SETD5: variants seen among roughly 807,000 people sequenced by gnomAD.
SETD5 encodes the protein SET domain containing 5, also known as histone-lysine N-methyltransferase SETD5.
In SETD5, 44 loss-of-function variants were observed where a neutral mutation model predicts 153.3. The ratio of observed to expected loss-of-function variants is 0.29; its 90% CI spans 0.23 to 0.37. SETD5 has a LOEUF of 0.37. SETD5 is among the 10% of genes least tolerant of loss of function. The pLI, the probability that SETD5 is intolerant of heterozygous loss-of-function variation, is 1.00. For missense variants in SETD5, 1,544 were observed against 1,768.0 expected, an observed-to-expected ratio of 0.87 and a Z score of 2.27; for synonymous variants, 716 against 645.2, an observed-to-expected ratio of 1.11 and a Z score of -1.66.
chr3:9,454,619 TCTCAAAAAAAAAAAAA>T (rs1362883785), intron 17 of SETD5, among the ~76,000 whole-genome samples: 1 of 46,000 alleles, frequency 2.2e-5, no homozygotes, highest in African/African-American at 9.0e-5. Flanking sequence ...TGAAACTCCG[TCTCAAAAAAAAAAAAA>T]AAAAAAAAAA....
intron 1 of SETD5, among the ~76,000 whole-genome samples, chr3:9,421,258 A>G (rs1203625088): frequency 2.6e-5 from 4 of 152,126 alleles, no homozygotes; most frequent in Non-Finnish European, 5.9e-5. Context: ...GTTGTAGGCT[A>G]GAACTCAAGT....
intron 1 of SETD5, among the ~76,000 whole-genome samples, chr3:9,403,326 G>A (rs763073723): frequency 6.6e-6 from 1 of 152,174 alleles, no homozygotes; most frequent in African/African-American, 2.4e-5. Flanking sequence ...CCTCCTAGGT[G>A]CAAGTCACCT....
chr3:9,431,348 A>G, intron 3 of SETD5: 1 of 985,430 alleles, frequency 1.0e-6, no homozygotes, highest in Non-Finnish European at 1.2e-6. Flanking sequence ...GTTTCTGTGT[A>G]TGTGTCCAAT....
intron 2 of SETD5, among the ~76,000 whole-genome samples, chr3:9,425,575 C>CTTT (rs767789314): frequency 1.9e-5 from 2 of 108,076 alleles, no homozygotes; most frequent in African/African-American, 3.6e-5. Flanking sequence ...AGAAACTGTA[C>CTTT]TTTTTTTTTT....
At chr3:9,455,643 C>CT (rs2125384572) in intron 17 of SETD5, among the ~76,000 whole-genome samples, 1 of 145,250 alleles carries the variant, frequency 6.9e-6, no homozygotes, top group East Asian at 1.9e-4. Flanking sequence ...TGTATTATTT[C>CT]TTTTTTAACA....
intron 17 of SETD5, among the ~76,000 whole-genome samples, chr3:9,455,714 T>C (rs533908340): frequency 1.3e-5 from 2 of 152,334 alleles, no homozygotes; most frequent in Admixed American, 1.3e-4. Context: ...TTTGTGTATC[T>C]ATCTGGTGTG....
rs1490730714 is a variant in SETD5, at chr3:9,435,728, G to A, written c.389G>A (p.Gly130Asp). 5 of 1,567,070 alleles carry A rather than the reference G, an allele frequency of 3.2e-6. No homozygotes were observed. Among genetic ancestry groups the A allele is most frequent in the Admixed American group, 2.0e-5 (1 of 49,978 alleles). The part of the protein sequence containing the change: ...LHRRKQDNIS[G>D]GDSSATESWD... ...GAACTATGAAATCATCATTTTTCAG[G>A]TGGGGATAGCAGTGCAACAGAAAGC... is the stretch of plus-strand genomic sequence containing the variant. The change falls in exon 7 of 23, where the codon GGT becomes GAT. Residue 130 changes from glycine to aspartate, a missense_variant and splice_region_variant. Coordinates refer to ENST00000402198, the MANE Select transcript of SETD5 (RefSeq NM_001080517.3).
intron 1 of SETD5, among the ~76,000 whole-genome samples, chr3:9,409,033 A>G (rs538645557): frequency 6.6e-6 from 1 of 152,276 alleles, no homozygotes; most frequent in Non-Finnish European, 1.5e-5. Context: ...CTCCTTCTGC[A>G]TTTAATTTCT....
intron 16 of SETD5, among the ~76,000 whole-genome samples, chr3:9,452,405 T>A (rs1028294723): frequency 6.6e-6 from 1 of 152,242 alleles, no homozygotes; most frequent in South Asian, 2.1e-4. Flanking sequence ...TTTAAGGCTA[T>A]ATGTATGGTT....
chr3:9,470,093 G>T (rs976510452), intron 18 of SETD5, among the ~76,000 whole-genome samples: 1 of 152,138 alleles, frequency 6.6e-6, no homozygotes, highest in Non-Finnish European at 1.5e-5. Context: ...TTTTGTGCAT[G>T]GGGCTAAGGT....
intron 18 of SETD5, among the ~76,000 whole-genome samples, chr3:9,466,180 C>T (rs894230673): frequency 3.4e-5 from 5 of 147,368 alleles, no homozygotes; most frequent in Non-Finnish European, 5.9e-5. Context: ...CCCAGCTACT[C>T]GGGAGGCTGA....
At chr3:9,431,463 A>G in intron 3 of SETD5, 1 of 949,668 alleles carries the variant, frequency 1.1e-6, no homozygotes, top group Non-Finnish European at 1.3e-6. Flanking sequence ...ATTTTAAAAT[A>G]TAAAAACTAG....
chr3:9,470,886 A>G lies in SETD5; in HGVS notation c.3152A>G (p.Glu1051Gly). The G allele has an allele frequency of 6.2e-7, 1 of 1,608,298 alleles. No individual in the cohort carries two copies. The highest frequency in any genetic ancestry group is 2.2e-5 in the East Asian group (1 of 44,758). Reference protein sequence around the residue: ...SLSPGGERACEGVPSAPQNPP... With the variant: ...SLSPGGERACGGVPSAPQNPP... ...TCACCTGGTGGTGAAAGGGCCTGTG[A>G]AGGAGTCCCATCTGCCCCCCAGAAC... The change falls in exon 19 of 23, where the codon GAA (glutamate) becomes GGA (glycine). Residue 1051 changes from glutamate (E) to glycine (G), a missense_variant. Physicochemically the swap from Glu to Gly is moderately conservative, Grantham distance 98. Transcript: ENST00000402198.
chr3:9,457,009 GAAAGAAA>G (rs916769585), intron 17 of SETD5, among the ~76,000 whole-genome samples: 3 of 151,022 alleles, frequency 2.0e-5, no homozygotes, highest in Admixed American at 2.0e-4. Flanking sequence ...AGGGAGGGAA[GAAAGAAA>G]AGAGAAAAGA....
intron 1 of SETD5, among the ~76,000 whole-genome samples, chr3:9,412,596 G>A (rs1177185464): frequency 1.3e-5 from 2 of 151,500 alleles, no homozygotes; most frequent in Admixed American, 6.6e-5. Flanking sequence ...TTGTACAGGT[G>A]GGGGTCTCAC....
chr3:9,403,992 C>T (rs1364494573), intron 1 of SETD5, among the ~76,000 whole-genome samples: 1 of 152,066 alleles, frequency 6.6e-6, no homozygotes, highest in East Asian at 1.9e-4. Flanking sequence ...TAGGATTTCT[C>T]TTTTATGAAG....
rs747266462 is a variant in SETD5, at chr3:9,433,892, A to G, written c.119A>G (p.Tyr40Cys). The change falls in exon 4 of 23, where the codon TAT (tyrosine) becomes TGT (cysteine). Residue 40 changes from tyrosine to cysteine, a missense_variant. Coordinates refer to ENST00000402198, the MANE Select transcript of SETD5 (RefSeq NM_001080517.3). ...ASPAVNEKSVYSTHNYGTTQR... is the reference protein window; with the variant it reads ...ASPAVNEKSVCSTHNYGTTQR... The stretch of plus-strand genomic sequence containing the variant: ...CCAGCAGTTAATGAGAAGAGCGTGT[A>G]TTCCACTCATAATTATGGGACCACT... 6.2e-7 allele frequency: 1 copy of G among 1,613,878 alleles called. No homozygotes were observed. The highest frequency in any genetic ancestry group is 8.5e-7 in the Non-Finnish European group (1 of 1,179,814).
chr3:9,456,324 A>T (rs2125393953), intron 17 of SETD5, among the ~76,000 whole-genome samples: 1 of 152,156 alleles, frequency 6.6e-6, no homozygotes, highest in East Asian at 1.9e-4. Context: ...AAAAATACAA[A>T]AATTAGCTGG....
In SETD5 at chr3:9,464,524, C is replaced by G; in HGVS notation, c.2576C>G (p.Pro859Arg). 6.2e-7 allele frequency: 1 copy of G among 1,613,976 alleles called. No homozygotes were observed. Among genetic ancestry groups the G allele is most frequent in the African/African-American group, 1.3e-5 (1 of 75,032 alleles). Residue 859 changes from proline to arginine, a missense_variant, in exon 18 of 23, where the codon CCC becomes CGC. Pro to Arg is a moderately radical substitution (Grantham distance 103). Transcript: ENST00000402198. ...CTGTCTCCAGTCACACCACCCCCTC[C>G]CAATTCAGGCTCAAAGAGTCCCCAG... is the stretch of plus-strand genomic sequence containing the variant. Reference protein sequence around the residue: ...RPLSPVTPPPPNSGSKSPQLA... With the variant: ...RPLSPVTPPPRNSGSKSPQLA...
Sources: allele counts gnomAD v4.1 joint callset (sites outside exome capture counted in the v4.1 genomes callset), GRCh38; gene constraint gnomAD v4.1.1; transcripts MANE v1.5; gene names NCBI Gene and HGNC (gene_info 2026-07-23, HGNC 2026-07-21).